DAB1: variants seen among roughly 807,000 people sequenced by gnomAD.
DAB1 encodes DAB adaptor protein 1.
DAB1 carries 15 observed loss-of-function variants against 64.6 expected under a neutral mutation model. That is an observed-to-expected ratio of 0.23 (90% confidence interval 0.16 to 0.36). DAB1 has a LOEUF of 0.36. Among genes scored for constraint, DAB1 ranks in the 10% least tolerant of loss-of-function variants. The probability of loss-of-function intolerance (pLI) is 1.00; values close to 1 mark genes in which losing one functional copy is unlikely to be tolerated. For missense variants in DAB1, 596 were observed against 706.7 expected (o/e 0.84, Z 1.78); for synonymous variants, 235 against 251.9 (o/e 0.93, Z 0.64).
intron 14 of DAB1, among the ~76,000 whole-genome samples, chr1:57,001,668 C>T (rs1645873485): frequency 6.6e-6 from 1 of 152,136 alleles, no homozygotes; most frequent in South Asian, 2.1e-4. Context: ...TCTCCTACTG[C>T]CACTCTCTCT....
At chr1:57,382,051 C>T (rs775107431) in intron 1 of DAB1, among the ~76,000 whole-genome samples, 9 of 152,158 alleles carry the variant, frequency 5.9e-5, no homozygotes, top group Non-Finnish European at 1.0e-4. Flanking sequence ...GTTGAGGCTG[C>T]TAATTAAGTC....
intron 5 of DAB1, among the ~76,000 whole-genome samples, chr1:58,015,794 C>T (rs912406555): frequency 6.6e-6 from 1 of 152,132 alleles, no homozygotes; most frequent in Non-Finnish European, 1.5e-5. Context: ...CAGGTCTAAG[C>T]CAATCTGTTA....
intron 2 of DAB1, among the ~76,000 whole-genome samples, chr1:57,183,523 A>G (rs1391903701): frequency 6.6e-6 from 1 of 152,180 alleles, no homozygotes; most frequent in African/African-American, 2.4e-5. Flanking sequence ...GAAAGAGGGT[A>G]GGAGGGTTGA....
intron 5 of DAB1, among the ~76,000 whole-genome samples, chr1:57,920,180 T>TCTGA (rs1026915940): frequency 1.3e-5 from 2 of 152,210 alleles, no homozygotes; most frequent in Non-Finnish European, 2.9e-5. Context: ...GGTCATTTAG[T>TCTGA]CTGACCCCCA....
In DAB1 at chr1:58,530,490, C is replaced by A. The variant is rs186925284; in HGVS notation, n.33-3155G>T. On this transcript the variant is annotated intron_variant and non_coding_transcript_variant, in intron 1 of 20. Coordinates refer to the DAB1 transcript ENST00000485760. ...AACATAAGACACTAAAAATTCGTAC[C>A]CATATTTCATAGTAAAATGTAAAAA... is the stretch of plus-strand genomic sequence containing the variant. The A allele has an allele frequency of 1.5e-3, 944 of 643,912 alleles. 1 individual carries two copies. The highest frequency in any genetic ancestry group is 2.2e-3 in the Non-Finnish European group (836 of 372,150). The allele number at this position is 643,912 out of a possible 1,614,324, so 39.9% of individuals were successfully genotyped here.
At chr1:57,063,868 T>C (rs1290839611) in intron 8 of DAB1, among the ~76,000 whole-genome samples, 1 of 152,236 alleles carries the variant, frequency 6.6e-6, no homozygotes, top group Non-Finnish European at 1.5e-5. Context: ...AGATTCCAGA[T>C]TGGAAGCACC....
At chr1:57,466,400 GA>G (rs139517870) in intron 7 of DAB1, among the ~76,000 whole-genome samples, 44 of 151,378 alleles carry the variant, frequency 2.9e-4, no homozygotes, top group Non-Finnish European at 4.6e-4. Flanking sequence ...AAACTTTGGA[GA>G]AAAAAAAATC....
At chr1:58,307,831 A>C (rs1161097431) in intron 4 of DAB1, among the ~76,000 whole-genome samples, 1 of 152,056 alleles carries the variant, frequency 6.6e-6, no homozygotes, top group Non-Finnish European at 1.5e-5. Context: ...AAAGGGGGCC[A>C]GGAAATGAGC....
chr1:58,377,440 G>A (rs1644339475), intron 3 of DAB1, among the ~76,000 whole-genome samples: 1 of 138,544 alleles, frequency 7.2e-6, no homozygotes, highest in Admixed American at 7.2e-5. Flanking sequence ...CACTTATGAA[G>A]CTTAGTTTGG....
intron 7 of DAB1, among the ~76,000 whole-genome samples, chr1:57,600,362 G>A (rs573816630): frequency 8.5e-5 from 13 of 152,338 alleles, no homozygotes; most frequent in East Asian, 1.9e-4. Flanking sequence ...ACTCCAGGGC[G>A]AGCAAGACAA....
chr1:58,305,354 C>A (rs1366338384), intron 4 of DAB1, among the ~76,000 whole-genome samples: 1 of 152,162 alleles, frequency 6.6e-6, no homozygotes, highest in South Asian at 2.1e-4. Context: ...TTTTGAGATA[C>A]AATTCTTGCC....
intron 7 of DAB1, among the ~76,000 whole-genome samples, chr1:57,602,571 T>C (rs1645587426): frequency 6.6e-6 from 1 of 152,162 alleles, no homozygotes; most frequent in African/African-American, 2.4e-5. Context: ...GAAATGGATT[T>C]TGGTTAGCTT....
At chr1:57,148,056 A>T (rs1659318458) in intron 2 of DAB1, among the ~76,000 whole-genome samples, 1 of 152,232 alleles carries the variant, frequency 6.6e-6, no homozygotes, top group Non-Finnish European at 1.5e-5. Context: ...CACCTGGCCC[A>T]AATGTGATGG....
chr1:58,116,209 C>A (rs890343887), intron 5 of DAB1, among the ~76,000 whole-genome samples: 1 of 152,064 alleles, frequency 6.6e-6, no homozygotes, highest in African/African-American at 2.4e-5. Context: ...TAATACAATG[C>A]CTGGCACTGA....
chr1:57,989,348 G>A (rs1425816108), intron 5 of DAB1, among the ~76,000 whole-genome samples: 2 of 152,066 alleles, frequency 1.3e-5, no homozygotes, highest in Non-Finnish European at 2.9e-5. Flanking sequence ...GAAAACACAT[G>A]AAATACTCAC....
intron 6 of DAB1, among the ~76,000 whole-genome samples, chr1:57,736,264 G>A (rs1557451222): frequency 6.6e-6 from 1 of 152,146 alleles, no homozygotes; most frequent in Non-Finnish European, 1.5e-5. Context: ...AGGGAAGCCA[G>A]AGAACGGTGG....
chr1:58,214,976 T>A (rs1000092701), intron 4 of DAB1, among the ~76,000 whole-genome samples: 22 of 152,144 alleles, frequency 1.4e-4, no homozygotes, highest in African/African-American at 4.6e-4. Flanking sequence ...CATGGGCAGG[T>A]TTCAGAGGGC....
At chr1:57,051,559 G>T (rs909786858) in intron 9 of DAB1, among the ~76,000 whole-genome samples, 1 of 152,186 alleles carries the variant, frequency 6.6e-6, no homozygotes, top group African/African-American at 2.4e-5. Context: ...CTAAGGCAAG[G>T]AAAGTCAACC....
intron 1 of DAB1, among the ~76,000 whole-genome samples, chr1:57,859,324 G>A (rs934184191): frequency 1.2e-4 from 19 of 152,034 alleles, no homozygotes; most frequent in South Asian, 6.3e-4. Flanking sequence ...TTTGGGCTCC[G>A]TATCCCTCTG....
Sources: gnomAD v4.1 joint callset for allele counts (sites outside exome capture counted in the v4.1 genomes callset) on GRCh38, gnomAD v4.1.1 for gene constraint, MANE v1.5 for transcripts, NCBI Gene and HGNC (gene_info 2026-07-23, HGNC 2026-07-21) for gene names.